Variants in FHIT observed in about 807,000 individuals in gnomAD.
FHIT encodes the protein fragile histidine triad diadenosine triphosphatase.
A neutral mutation model predicts 17.9 loss-of-function variants in FHIT; 19 were observed. The observed-to-expected ratio is 1.06, with a 90% confidence interval of 0.74 to 1.56. The LOEUF is 1.56. Among genes scored for constraint, FHIT ranks in the 40% most tolerant of loss-of-function variants. FHIT has a pLI of 0.00. For missense variants in FHIT, 248 were observed against 189.2 expected (o/e 1.31, Z -1.82); for synonymous variants, 81 against 69.7 (o/e 1.16, Z -0.81).
intron 4 of FHIT, among the ~76,000 whole-genome samples, chr3:60,819,667 A>G (rs1701858977): frequency 6.6e-6 from 1 of 152,186 alleles, no homozygotes; most frequent in African/African-American, 2.4e-5. Context: ...ACCACTTTAC[A>G]TTAATTGTCA....
intron 5 of FHIT, among the ~76,000 whole-genome samples, chr3:60,510,671 G>A (rs910481118): frequency 6.6e-6 from 1 of 152,002 alleles, no homozygotes; most frequent in African/African-American, 2.4e-5. Flanking sequence ...CTAGCTGAAG[G>A]GCTGTGGGCA....
chr3:61,211,770 C>G (rs1560079973), intron 1 of FHIT, among the ~76,000 whole-genome samples: 1 of 152,236 alleles, frequency 6.6e-6, no homozygotes, highest in Non-Finnish European at 1.5e-5. Context: ...TAGGGGCTGA[C>G]TGACACCTCA....
In FHIT at chr3:60,362,075, A is replaced by T. The variant is rs556255006; in HGVS notation, c.103+174785T>A. On this transcript the variant is annotated intron_variant, in intron 5 of 9. Transcript: ENST00000492590. ...ATCTCAGTGTTTAATACTGAGATTT[A>T]AAAAAAAATAATTTTATTGTGTGCA... Among the ~76,000 whole-genome samples the T allele has an allele frequency of 1.5e-4, 21 of 143,742 alleles. No individual in the cohort carries two copies. In the East Asian group the frequency reaches 2.0e-3, roughly 14 times the overall value. 94.3% of individuals were successfully genotyped at this position (143,742 alleles called of 152,430 possible). A position where few individuals can be genotyped will look rare whatever the true frequency, so the allele number is the denominator to read the frequency against.
At chr3:60,128,752 G>C (rs902934386) in intron 5 of FHIT, among the ~76,000 whole-genome samples, 5 of 152,122 alleles carry the variant, frequency 3.3e-5, no homozygotes, top group Non-Finnish European at 7.3e-5. Flanking sequence ...ATTGGACATA[G>C]AAATGATATA....
chr3:60,354,580 T>C (rs921688616), intron 5 of FHIT, among the ~76,000 whole-genome samples: 1 of 152,148 alleles, frequency 6.6e-6, no homozygotes, highest in African/African-American at 2.4e-5. Flanking sequence ...AAGTCCGTGT[T>C]AAAAAGCAAA....
intron 7 of FHIT, among the ~76,000 whole-genome samples, chr3:59,973,430 C>G (rs948467876): frequency 5.9e-5 from 9 of 152,044 alleles, no homozygotes; most frequent in Admixed American, 3.9e-4. Flanking sequence ...CACAGGCCCT[C>G]TGCACATGCT....
At chr3:60,690,509 T>C (rs1360329009) in intron 4 of FHIT, 1 of 563,224 alleles carries the variant, frequency 1.8e-6, no homozygotes, top group African/African-American at 1.9e-5. Context: ...CCAGTGCCAT[T>C]ATGGCATGTG....
intron 4 of FHIT, among the ~76,000 whole-genome samples, chr3:60,724,838 G>A (rs1228944264): frequency 6.6e-6 from 1 of 151,802 alleles, no homozygotes; most frequent in Non-Finnish European, 1.5e-5. Context: ...TAGTTGAGAT[G>A]GGGTTTCACC....
chr3:60,510,406 AC>A (rs1194816862), intron 5 of FHIT, among the ~76,000 whole-genome samples: 2 of 152,046 alleles, frequency 1.3e-5, no homozygotes, highest in Non-Finnish European at 2.9e-5. Flanking sequence ...GAATTTTAGG[AC>A]CCCCTAAGAA....
At chr3:60,959,614 A>C (rs1473800465) in intron 3 of FHIT, among the ~76,000 whole-genome samples, 4 of 152,126 alleles carry the variant, frequency 2.6e-5, no homozygotes, top group Non-Finnish European at 5.9e-5. Context: ...ATTTGAGTTG[A>C]AATCTGAAGA....
intron 1 of FHIT, among the ~76,000 whole-genome samples, chr3:61,249,947 C>G (rs2040575319): frequency 9.5e-6 from 1 of 104,768 alleles, no homozygotes; most frequent in Non-Finnish European, 1.9e-5. Flanking sequence ...CACACACACA[C>G]ACACACACAC....
intron 4 of FHIT, among the ~76,000 whole-genome samples, chr3:60,667,021 A>ATT (rs56071877): frequency 0.033 from 1,114 of 34,174 alleles, 100 homozygotes; most frequent in African/African-American, 0.11. Context: ...TGCCTGGTTA[A>ATT]TTTTTTTTTT....
chr3:60,283,699 T>G (rs955209970), intron 5 of FHIT, among the ~76,000 whole-genome samples: 1 of 152,148 alleles, frequency 6.6e-6, no homozygotes, highest in South Asian at 2.1e-4. Flanking sequence ...GTAAGGCTGG[T>G]ATTTTTTAAA....
intron 5 of FHIT, among the ~76,000 whole-genome samples, chr3:60,341,035 T>C (rs115885651): frequency 3.9e-5 from 6 of 152,242 alleles, no homozygotes; most frequent in Non-Finnish European, 5.9e-5. Context: ...TAGTATAGCA[T>C]TGGGGAATAT....
At chr3:60,173,828 T>C (rs1701524569) in intron 5 of FHIT, among the ~76,000 whole-genome samples, 1 of 144,154 alleles carries the variant, frequency 6.9e-6, no homozygotes, top group Non-Finnish European at 1.5e-5. Context: ...GCAGTCACTG[T>C]GGGTGCTAAA....
At chr3:60,441,299 G>C (rs2030777596) in intron 5 of FHIT, among the ~76,000 whole-genome samples, 2 of 151,962 alleles carry the variant, frequency 1.3e-5, no homozygotes, top group Admixed American at 1.3e-4. Context: ...AATGCAGGGA[G>C]TTTACTCACA....
At chr3:61,144,055 T>C (rs2037161419) in intron 2 of FHIT, among the ~76,000 whole-genome samples, 1 of 152,204 alleles carries the variant, frequency 6.6e-6, no homozygotes, top group South Asian at 2.1e-4. Flanking sequence ...TAGATACATT[T>C]ACAAACCATA....
intron 7 of FHIT, among the ~76,000 whole-genome samples, chr3:59,999,250 A>T (rs1699634948): frequency 1.3e-5 from 2 of 152,154 alleles, no homozygotes; most frequent in African/African-American, 4.8e-5. Flanking sequence ...CTTTACTGTG[A>T]AAAACTAGCT....
In FHIT at chr3:61,198,552, A is replaced by T. The variant is rs1329496518; in HGVS notation, c.-164+2065T>A. ...AAATTGGTGGGGGGGTTCCCTCTAT[A>T]CTACCAAGGCTTTCTTTAAAAATTC... is the stretch of plus-strand genomic sequence containing the variant. On this transcript the variant is annotated intron_variant, in intron 2 of 9. Coordinates refer to ENST00000492590, the MANE Select transcript of FHIT (RefSeq NM_002012.4). Among the ~76,000 whole-genome samples, 3 of 152,002 alleles carry T rather than the reference A, an allele frequency of 2.0e-5. No individual in the cohort carries two copies. In the South Asian group the frequency reaches 6.2e-4, roughly 32 times the overall value.
Sources: allele counts gnomAD v4.1 joint callset (sites outside exome capture counted in the v4.1 genomes callset), GRCh38; gene constraint gnomAD v4.1.1; transcripts MANE v1.5; gene names NCBI Gene and HGNC (gene_info 2026-07-23, HGNC 2026-07-21).